Variants in NMD3 observed in about 807,000 individuals in gnomAD.
NMD3 encodes 60S ribosomal export protein NMD3.
NMD3 carries 47 observed loss-of-function variants against 73.1 expected under a neutral mutation model. The ratio of observed to expected loss-of-function variants is 0.64; its 90% CI spans 0.51 to 0.82. The LOEUF (loss-of-function observed/expected upper bound fraction) is 0.82, where lower values mean the gene tolerates loss of function less well. NMD3 is among the 40% of genes least tolerant of loss of function. The pLI is 0.00. For synonymous variants in NMD3, 210 were observed against 194.5 expected, an observed-to-expected ratio of 1.08 and a Z score of -0.66; for missense variants, 554 against 612.5, an observed-to-expected ratio of 0.90 and a Z score of 1.01.
At chr3:161,226,684 C>G (rs1736332004) in intron 3 of NMD3, among the ~76,000 whole-genome samples, 1 of 152,130 alleles carries the variant, frequency 6.6e-6, no homozygotes, top group Admixed American at 6.5e-5. Context: ...GTAGGCAGGA[C>G]TAAAAACCTT....
At position 161,235,224 on chromosome 3, in the gene NMD3, C is replaced by G. The variant is rs758945913; in HGVS notation, c.577+12C>G. ...CAAAGAGATTCATGGTGAGTTAAAA[C>G]TCAAAAGCATTTGAAATTATGTCAG... On this transcript the variant is annotated intron_variant, in intron 7 of 15. Coordinates refer to ENST00000351193, the MANE Select transcript of NMD3 (RefSeq NM_015938.5). 4 of 1,284,770 alleles carry G rather than the reference C, an allele frequency of 3.1e-6. No homozygotes were observed. The highest frequency in any genetic ancestry group is 3.8e-4 in the Middle Eastern group (2 of 5,278). 79.6% of individuals were successfully genotyped at this position (1,284,770 alleles called of 1,614,324 possible).
At chr3:161,250,443 C>A in intron 15 of NMD3, 117 bp downstream of exon 15, 1 of 627,412 alleles carries the variant, frequency 1.6e-6, no homozygotes, top group South Asian at 2.3e-5. Flanking sequence ...GTTTTTTCAA[C>A]TACTCTAGTC....
chr3:161,240,911 CTCTT>C (rs1483367156), intron 9 of NMD3, 131 bp from the exon 10 acceptor site: 4 of 510,570 alleles, frequency 7.8e-6, no homozygotes, highest in Non-Finnish European at 1.4e-5. Context: ...TTTCTTTAGT[CTCTT>C]TGTTGATTGA....
At chr3:161,230,550 G>T (rs769289931) in intron 4 of NMD3, among the ~76,000 whole-genome samples, 6 of 152,094 alleles carry the variant, frequency 3.9e-5, no homozygotes, top group Non-Finnish European at 5.9e-5. Context: ...TTGGCTGGGG[G>T]GTGGCCTCAA....
At chr3:161,224,832 T>C in intron 2 of NMD3, 98 bp from the exon 3 acceptor site, 7 of 1,191,058 alleles carry the variant, frequency 5.9e-6, no homozygotes. Flanking sequence ...AAAGATGCTG[T>C]GGCCTAACTT....
At chr3:161,227,822 C>G (rs1274341601) in intron 4 of NMD3, among the ~76,000 whole-genome samples, 1 of 151,976 alleles carries the variant, frequency 6.6e-6, no homozygotes, top group African/African-American at 2.4e-5. Context: ...TATATATATT[C>G]TTTTTATGAA....
rs543065467 is a variant in NMD3 at position 161,222,006 on chromosome 3, A to G, written c.-8A>G. The G allele has an allele frequency of 2.0e-5, 31 of 1,547,512 alleles. 1 individual carries two copies. The South Asian group carries it at 2.7e-4, about 14-fold the overall frequency. The stretch of plus-strand genomic sequence containing the variant: ...TTTTTTTTAAAAGAACTTAAGGCAT[A>G]CAGAACGATGGAGTATATGGCAGAA... On this transcript the variant is annotated 5_prime_UTR_variant, in exon 2 of 16. The change creates a new upstream start codon in the 5' untranslated region. Coordinates refer to ENST00000351193, the MANE Select transcript of NMD3 (RefSeq NM_015938.5).
At chr3:161,230,717 G>A (rs1440396169) in intron 4 of NMD3, among the ~76,000 whole-genome samples, 2 of 152,216 alleles carry the variant, frequency 1.3e-5, no homozygotes, top group Non-Finnish European at 2.9e-5. Context: ...GCTCTCTAGA[G>A]GGGCATTCTG....
chr3:161,239,261 T>C (rs1379908286), intron 9 of NMD3, among the ~76,000 whole-genome samples: 3 of 152,204 alleles, frequency 2.0e-5, no homozygotes, highest in Admixed American at 2.0e-4. Flanking sequence ...ATAGAATCAT[T>C]TTTATGATTT....
chr3:161,230,406 G>A (rs1736487479), intron 4 of NMD3, among the ~76,000 whole-genome samples: 1 of 152,050 alleles, frequency 6.6e-6, no homozygotes, highest in Admixed American at 6.6e-5. Flanking sequence ...CAAAGTGTTG[G>A]GATTACAAGC....
In NMD3 at chr3:161,250,933, A is replaced by G. The variant is rs757699198; in HGVS notation, c.*23A>G. ...TAATGAGATGTTGTAGACTGTTTCC[A>G]TACATGGGCTTAAGAAGTTGGACAG... On this transcript the variant is annotated 3_prime_UTR_variant, in exon 16 of 16. Transcript: ENST00000351193. The G allele has an allele frequency of 1.2e-6, 2 of 1,600,236 alleles. No individual in the cohort carries two copies. The highest frequency in any genetic ancestry group is 1.7e-6 in the Non-Finnish European group (2 of 1,171,458).
At chr3:161,224,733 C>T (rs540529389) in intron 2 of NMD3, among the ~76,000 whole-genome samples, 197 bp from the exon 3 acceptor site, 11 of 152,010 alleles carry the variant, frequency 7.2e-5, no homozygotes, top group South Asian at 2.1e-4. Flanking sequence ...GTGATCTACC[C>T]GCCTCAGCCT....
Position 161,238,165 on chromosome 3 carries a change from A to G in NMD3, c.630A>G (p.Glu210=). 1 of 1,607,370 alleles carries G rather than the reference A, an allele frequency of 6.2e-7. No homozygotes were observed. Among genetic ancestry groups the G allele is most frequent in the Non-Finnish European group, 8.5e-7 (1 of 1,176,650 alleles). ...AACAACATGCTCAGAAGATGGTCGA[A>G]TTTCTTCAGTGTACAGTTCCCTGTA... ...SSKQHAQKMV[E]FLQCTVPCRY... is the part of the protein sequence containing the mutation. The change falls in exon 8 of 16, where the codon GAA becomes GAG. Residue 210 remains glutamate, a synonymous_variant. Transcript: ENST00000351193.
At chr3:161,223,006 T>A (rs1350090424) in intron 2 of NMD3, 1 of 152,262 alleles carries the variant, frequency 6.6e-6, no homozygotes, top group African/African-American at 2.4e-5. Context: ...CAGTAGCTTT[T>A]AACAGACACT....
rs1274244388 is a variant in NMD3 at position 161,221,313 on chromosome 3, CTG to C, written c.-114_-113del. 6.6e-6 allele frequency: 1 copy of C among 152,434 alleles called. No individual in the cohort carries two copies. Among genetic ancestry groups the C allele is most frequent in the African/African-American group, 2.4e-5 (1 of 41,482 alleles). The allele number at this position is 152,434 out of a possible 1,614,324, so 9.4% of individuals were successfully genotyped here. On this transcript the variant is annotated 5_prime_UTR_variant, in exon 1 of 16. Coordinates refer to ENST00000351193, the MANE Select transcript of NMD3 (RefSeq NM_015938.5). ...GAGCATTTCGCTCGCGAGATCTTCT[CTG>C]TGGCGGAGACAGCCAGGTTGGCAGC... is the stretch of plus-strand genomic sequence containing the variant.
In NMD3 at chr3:161,249,416, T is replaced by C; in HGVS notation, c.1204-38T>C. The C allele has an allele frequency of 1.5e-6, 2 of 1,371,524 alleles. 1 individual carries two copies. Among genetic ancestry groups the C allele is most frequent in the South Asian group, 2.4e-5 (2 of 81,650 alleles). The allele number at this position is 1,371,524 out of a possible 1,614,324, so 85.0% of individuals were successfully genotyped here. ...GAATTTTGTGGCCTCACTGTATAGT[T>C]CCCATTCTTTGTAACTTTACAAATA... On this transcript the variant is annotated intron_variant, in intron 13 of 15. Coordinates refer to ENST00000351193, the MANE Select transcript of NMD3 (RefSeq NM_015938.5).
chr3:161,227,179 G>T, intron 3 of NMD3, 68 bp from the exon 4 acceptor site: 1 of 947,128 alleles, frequency 1.1e-6, no homozygotes, highest in Non-Finnish European at 1.7e-6. Flanking sequence ...TTATATCTGT[G>T]TATTCAGATG....
At position 161,221,822 on chromosome 3, in the gene NMD3, C is replaced by T. The variant is rs1736094739; in HGVS notation, c.-20-172C>T. The stretch of plus-strand genomic sequence containing the variant: ...GTCCTCATCTTAAAGTTCTTTTTAA[C>T]GAACTTACCCAGTGGAGTTGGGTTT... On this transcript the variant is annotated intron_variant, in intron 1 of 15. Coordinates refer to ENST00000351193, the MANE Select transcript of NMD3 (RefSeq NM_015938.5). 7 of 470,846 alleles carry T rather than the reference C, an allele frequency of 1.5e-5. No individual in the cohort carries two copies. The South Asian group carries it at 1.7e-4, about 12-fold the overall frequency. The allele number at this position is 470,846 out of a possible 1,614,324, so 29.2% of individuals were successfully genotyped here.
intron 13 of NMD3, among the ~76,000 whole-genome samples, chr3:161,247,650 G>T (rs532910653): frequency 1.8e-4 from 28 of 151,888 alleles, no homozygotes; most frequent in African/African-American, 6.5e-4. Flanking sequence ...TTAGCCAGGC[G>T]TGGTAGTGCA....
Sources: allele counts gnomAD v4.1 joint callset (sites outside exome capture counted in the v4.1 genomes callset), GRCh38; gene constraint gnomAD v4.1.1; transcripts MANE v1.5; gene names NCBI Gene and HGNC (gene_info 2026-07-23, HGNC 2026-07-21).